COG7: variants seen among roughly 807,000 people sequenced by gnomAD.
The protein encoded by COG7 is component of oligomeric golgi complex 7.
COG7 carries 49 observed loss-of-function variants against 91.5 expected under a neutral mutation model. The observed-to-expected ratio is 0.54, with a 90% CI of 0.43 to 0.68. COG7 has a LOEUF of 0.68. Among genes scored for constraint, COG7 ranks in the 30% least tolerant of loss-of-function variants. The pLI is 0.00. For synonymous variants in COG7, 365 were observed against 388.7 expected, an observed-to-expected ratio of 0.94 and a Z score of 0.72; for missense variants, 895 against 961.3, an observed-to-expected ratio of 0.93 and a Z score of 0.91.
At chr16:23,420,007 T>C (rs2142077774) in intron 7 of COG7, among the ~76,000 whole-genome samples, 1 of 151,974 alleles carries the variant, frequency 6.6e-6, no homozygotes, top group East Asian at 1.9e-4. Context: ...CTGGGCATGG[T>C]AGCATGCATC....
chr16:23,437,367 G>A (rs770318626), intron 4 of COG7, among the ~76,000 whole-genome samples: 2 of 152,042 alleles, frequency 1.3e-5, no homozygotes, highest in African/African-American at 2.4e-5. Context: ...CACAGAACTG[G>A]ATGTAACCCC....
chr16:23,430,118 G>A (rs1444292478), intron 6 of COG7, among the ~76,000 whole-genome samples: 1 of 152,078 alleles, frequency 6.6e-6, no homozygotes, highest in South Asian at 2.1e-4. Flanking sequence ...TGAATGGGAT[G>A]GCATATTTAA....
chr16:23,411,858 T>C (rs902911779), intron 10 of COG7, among the ~76,000 whole-genome samples: 2 of 151,026 alleles, frequency 1.3e-5, no homozygotes, highest in African/African-American at 4.9e-5. Context: ...AGAATGGTTT[T>C]AAGAAAAAGA....
chr16:23,449,277 G>A (rs1450902600), intron 1 of COG7, among the ~76,000 whole-genome samples: 1 of 150,514 alleles, frequency 6.6e-6, no homozygotes, highest in Admixed American at 6.7e-5. Flanking sequence ...GCAGGAGAAT[G>A]GTGTAAACCC....
Position 23,434,764 on chromosome 16 carries a change from G to A in COG7, c.605-46C>T, listed in dbSNP as rs201966759. 2.3e-4 allele frequency: 325 copies of A among 1,393,776 alleles called. No homozygotes were observed. The East Asian group carries it at 7.3e-3, about 31-fold the overall frequency. 86.3% of individuals were successfully genotyped at this position (1,393,776 alleles called of 1,614,324 possible). A position where few individuals can be genotyped will look rare whatever the true frequency, so the allele number is the denominator to read the frequency against. ...ATATACTGTTACCAGCCTTTCTGGTGTAGACATGAGAAAAAACTCACCAGG... is the reference window on the plus strand; with the variant it reads ...ATATACTGTTACCAGCCTTTCTGGTATAGACATGAGAAAAAACTCACCAGG... On this transcript the variant is annotated intron_variant, in intron 4 of 16. Coordinates refer to ENST00000307149, the MANE Select transcript of COG7 (RefSeq NM_153603.4).
intron 9 of COG7, chr16:23,413,846 A>G (rs1963609215): frequency 5.3e-6 from 2 of 377,892 alleles, no homozygotes. Context: ...CAACCAGGTG[A>G]GAGATGATGC....
Position 23,434,669 on chromosome 16 carries a change from G to A in COG7, c.654C>T (p.Pro218=). The A allele has an allele frequency of 6.2e-7, 1 of 1,613,862 alleles. No individual in the cohort carries two copies. The highest frequency in any genetic ancestry group is 8.5e-7 in the Non-Finnish European group (1 of 1,179,794). The change falls in exon 5 of 17, where the codon CCC becomes CCT. Residue 218 remains proline (P), a synonymous_variant. Coordinates refer to ENST00000307149, the MANE Select transcript of COG7 (RefSeq NM_153603.4). The part of the protein sequence containing the change: ...VKVFTEIDRM[P]QLLAYYYKCH... ...ACTTGTAGTAGTAGGCCAGGAGCTGGGGCATCCGGTCAATTTCAGTAAACA... is the reference window on the plus strand; with the variant it reads ...ACTTGTAGTAGTAGGCCAGGAGCTGAGGCATCCGGTCAATTTCAGTAAACA...
chr16:23,444,503 TTCTTC>T (rs1350722402), intron 3 of COG7, among the ~76,000 whole-genome samples: 1 of 141,700 alleles, frequency 7.1e-6, no homozygotes, highest in Non-Finnish European at 1.5e-5. Flanking sequence ...GGTTTTTCTT[TTCTTC>T]TTCTTTTTTT....
At position 23,453,046 on chromosome 16, in the gene COG7, G is replaced by A. The variant is rs1964293239; in HGVS notation, c.-52C>T. On this transcript the variant is annotated 5_prime_UTR_variant, in exon 1 of 17. Transcript: ENST00000307149. The stretch of plus-strand genomic sequence containing the variant: ...CAGAACTTAAGAGTTGGCTCCGGGC[G>A]GCAACGGGGATGCAGAAGCGAGCGA... 1 of 1,610,626 alleles carries A rather than the reference G, an allele frequency of 6.2e-7. No homozygotes were observed. Among genetic ancestry groups the A allele is most frequent in the Non-Finnish European group, 8.5e-7 (1 of 1,178,132 alleles).
chr16:23,403,560 C>T lies in COG7; in HGVS notation c.1803+134G>A, dbSNP rs74015211. The stretch of plus-strand genomic sequence containing the variant: ...GCAATGAGGTGAAATTGGAAAGTGG[C>T]TCTTTCCGGCTTGGGAAAGTTAAAG... On this transcript the variant is annotated intron_variant, in intron 13 of 16. Coordinates refer to ENST00000307149, the MANE Select transcript of COG7 (RefSeq NM_153603.4). The T allele has an allele frequency of 3.7e-4, 399 of 1,088,452 alleles. 1 individual carries two copies. In the African/African-American group the frequency reaches 5.5e-3, roughly 15 times the overall value. 67.4% of individuals were successfully genotyped at this position (1,088,452 alleles called of 1,614,324 possible). A position where few individuals can be genotyped will look rare whatever the true frequency, so the allele number is the denominator to read the frequency against.
At chr16:23,409,067 GTGTGTGTGTGTGTGTGTGTGTGCGTGCA>G (rs992298845) in intron 11 of COG7, among the ~76,000 whole-genome samples, 1 of 126,684 alleles carries the variant, frequency 7.9e-6, no homozygotes, top group African/African-American at 3.3e-5. Context: ...GTGCATGCGT[GTGTGTGTGTGTGTGTGTGTGTGCGTGCA>G]TGTGTGTGTG....
chr16:23,403,818 T>C lies in COG7; in HGVS notation c.1679A>G (p.Asn560Ser). 1 of 1,614,232 alleles carries C rather than the reference T, an allele frequency of 6.2e-7. No homozygotes were observed. Among genetic ancestry groups the C allele is most frequent in the Non-Finnish European group, 8.5e-7 (1 of 1,180,042 alleles). ...TCGAGGTGCAGCCAGCAGGTTGTGG[T>C]TGCTTGACCCTTTTTCCTAAGACAA... ...LYTLKEKGSS[N>S]HNLLAAPRAA... is the part of the protein sequence containing the mutation. Residue 560 changes from asparagine (N) to serine (S), a missense_variant, in exon 13 of 17, where the codon AAC becomes AGC. Physicochemically the swap from Asn to Ser is conservative, Grantham distance 46. Transcript: ENST00000307149.
At chr16:23,447,397 GACGGGGTT>G (rs1355429323) in intron 1 of COG7, 13 of 151,488 alleles carry the variant, frequency 8.6e-5, no homozygotes, top group Non-Finnish European at 1.2e-4. Context: ...TTTTAGTAGA[GACGGGGTT>G]TTGCTGTGTA....
chr16:23,441,447 C>A (rs557020263), intron 4 of COG7, among the ~76,000 whole-genome samples: 4 of 152,076 alleles, frequency 2.6e-5, no homozygotes, highest in African/African-American at 9.7e-5. Flanking sequence ...TGGTGGCGCA[C>A]GTCTGTAATC....
At position 23,403,660 on chromosome 16, in the gene COG7, C is replaced by T. The variant is rs748032010; in HGVS notation, c.1803+34G>A. 9.3e-6 allele frequency: 15 copies of T among 1,613,120 alleles called. No homozygotes were observed. In the East Asian group the frequency reaches 1.6e-4, roughly 17 times the overall value. On this transcript the variant is annotated intron_variant, in intron 13 of 16. Transcript: ENST00000307149. ...GTATGCTTGAGTTGGAGGCAGGACC[C>T]GGGAAAAATTGATGTGGTCAGTGAG...
In COG7 at chr16:23,434,671, G is replaced by T. The variant is rs763479359; in HGVS notation, c.652C>A (p.Pro218Thr). The T allele has an allele frequency of 1.2e-6, 2 of 1,613,884 alleles. No homozygotes were observed. Among genetic ancestry groups the T allele is most frequent in the Non-Finnish European group, 1.7e-6 (2 of 1,179,774 alleles). Residue 218 changes from proline to threonine, a missense_variant, in exon 5 of 17, where the codon CCC (proline) becomes ACC (threonine). Transcript: ENST00000307149. ...VKVFTEIDRMPQLLAYYYKCH... is the reference protein window; with the variant it reads ...VKVFTEIDRMTQLLAYYYKCH... Reference sequence around the variant, plus strand: ...TTGTAGTAGTAGGCCAGGAGCTGGGGCATCCGGTCAATTTCAGTAAACACC... The same window carrying T: ...TTGTAGTAGTAGGCCAGGAGCTGGGTCATCCGGTCAATTTCAGTAAACACC...
At position 23,442,509 on chromosome 16, in the gene COG7, T is replaced by C; in HGVS notation, c.572A>G (p.Gln191Arg). 1 of 1,614,102 alleles carries C rather than the reference T, an allele frequency of 6.2e-7. No individual in the cohort carries two copies. The highest frequency in any genetic ancestry group is 1.3e-5 in the African/African-American group (1 of 75,046). Residue 191 changes from glutamine (Q) to arginine (R), a missense_variant, in exon 4 of 17, where the codon CAG becomes CGG. Coordinates refer to ENST00000307149, the MANE Select transcript of COG7 (RefSeq NM_153603.4). ...CTGAGAGGTGAATGCCGCTACAATC[T>C]GTGGACTGGCTAGGGCCTCCAGCCT... The part of the protein sequence containing the change: ...KNRLEALASP[Q>R]IVAAFTSQAV...
chr16:23,394,326 T>C (rs1208423874), intron 14 of COG7, among the ~76,000 whole-genome samples: 1 of 152,240 alleles, frequency 6.6e-6, no homozygotes, highest in African/African-American at 2.4e-5. Flanking sequence ...GTCTTGGTCA[T>C]GTGTTTGTCA....
intron 6 of COG7, among the ~76,000 whole-genome samples, chr16:23,428,369 T>TA (rs994769908): frequency 1.3e-5 from 2 of 150,286 alleles, no homozygotes; most frequent in Non-Finnish European, 3.0e-5. Context: ...AAATAAAAAA[T>TA]AAAAAAAACC....
Sources: allele counts gnomAD v4.1 joint callset (sites outside exome capture counted in the v4.1 genomes callset), GRCh38; gene constraint gnomAD v4.1.1; transcripts MANE v1.5; gene names NCBI Gene and HGNC (gene_info 2026-07-23, HGNC 2026-07-21).